Variants in DAPP1 observed in about 807,000 individuals in gnomAD.
The protein encoded by DAPP1 is dual adaptor of phosphotyrosine and 3-phosphoinositides 1.
In DAPP1, 20 loss-of-function variants were observed where a neutral mutation model predicts 41.5. That is an observed-to-expected ratio of 0.48 (90% confidence interval 0.34 to 0.70). The LOEUF (loss-of-function observed/expected upper bound fraction) is 0.70. Ranked by LOEUF, DAPP1 falls within the 30% of genes least tolerant of loss-of-function variation. The pLI is 0.01. For missense variants in DAPP1, 233 were observed against 333.4 expected (o/e 0.70, Z 2.35); for synonymous variants, 113 against 116.2 (o/e 0.97, Z 0.18).
downstream of DAPP1, chr4:99,870,261 G>C (rs550984838): frequency 6.6e-6 from 1 of 151,722 alleles, no homozygotes; most frequent in South Asian, 2.1e-4. Flanking sequence ...TAACCACAAA[G>C]GATTGGAAGT....
chr4:99,823,928 C>G (rs1286136996), intron 1 of DAPP1, among the ~76,000 whole-genome samples: 1 of 152,166 alleles, frequency 6.6e-6, no homozygotes, highest in African/African-American at 2.4e-5. Flanking sequence ...ACTAGTTCTG[C>G]TTTTGTGTAT....
chr4:99,826,189 C>A (rs1336668818), intron 1 of DAPP1, among the ~76,000 whole-genome samples: 1 of 152,278 alleles, frequency 6.6e-6, no homozygotes, highest in East Asian at 1.9e-4. Flanking sequence ...AAAGACACAT[C>A]AATTAGCTGT....
chr4:99,851,272 T>C (rs2110156592), intron 3 of DAPP1, among the ~76,000 whole-genome samples: 1 of 152,310 alleles, frequency 6.6e-6, no homozygotes, highest in East Asian at 1.9e-4. Context: ...TGTGCAAGAA[T>C]GGGACGGTTC....
chr4:99,866,718 A>AT, intron 8 of DAPP1: 1 of 606,068 alleles, frequency 1.6e-6, no homozygotes, highest in Admixed American at 3.1e-5. Flanking sequence ...GCTGACTAAA[A>AT]TTTCCTATAA....
intron 1 of DAPP1, among the ~76,000 whole-genome samples, chr4:99,817,925 C>A (rs1214569916): frequency 1.3e-5 from 2 of 152,158 alleles, no homozygotes; most frequent in Non-Finnish European, 2.9e-5. Flanking sequence ...AAACAAGTAC[C>A]AAACAGGTTT....
At chr4:99,852,992 G>T (rs1193503647) in intron 3 of DAPP1, among the ~76,000 whole-genome samples, 1 of 152,106 alleles carries the variant, frequency 6.6e-6, no homozygotes, top group African/African-American at 2.4e-5. Flanking sequence ...TCTGTTACCA[G>T]TTCTGAGCAC....
intron 1 of DAPP1, among the ~76,000 whole-genome samples, chr4:99,831,408 C>T (rs1206884211): frequency 6.6e-6 from 1 of 152,216 alleles, no homozygotes; most frequent in Non-Finnish European, 1.5e-5. Context: ...CCCCGACTCC[C>T]TGCCCTCATT....
chr4:99,838,843 C>T (rs76045014), intron 2 of DAPP1, among the ~76,000 whole-genome samples: 7,742 of 152,162 alleles, frequency 0.051, 389 homozygotes, highest in East Asian at 0.24. Flanking sequence ...TAGAGGTTGA[C>T]AAATAACATA....
At chr4:99,854,831 A>C (rs148824932) in intron 4 of DAPP1, among the ~76,000 whole-genome samples, 2 of 152,226 alleles carry the variant, frequency 1.3e-5, no homozygotes, top group African/African-American at 4.8e-5. Flanking sequence ...GTTTGCCTTT[A>C]TTCTAAAATT....
intron 1 of DAPP1, among the ~76,000 whole-genome samples, 161 bp downstream of exon 1, chr4:99,817,175 T>C (rs1157989202): frequency 2.0e-5 from 3 of 152,250 alleles, no homozygotes. Flanking sequence ...CTGTTAAGTA[T>C]CTTCTTGTCT....
At chr4:99,848,480 C>G (rs1723746768) in intron 3 of DAPP1, among the ~76,000 whole-genome samples, 1 of 151,908 alleles carries the variant, frequency 6.6e-6, no homozygotes, top group Non-Finnish European at 1.5e-5. Flanking sequence ...CCGTATGCCT[C>G]GGCCTCCCAA....
At chr4:99,857,651 G>C (rs1036221450) in intron 4 of DAPP1, among the ~76,000 whole-genome samples, 1 of 144,572 alleles carries the variant, frequency 6.9e-6, no homozygotes, top group African/African-American at 2.6e-5. Context: ...ACATTTTGTT[G>C]CTTATCCTTT....
intron 3 of DAPP1, among the ~76,000 whole-genome samples, chr4:99,841,843 A>T (rs80072524): frequency 6.6e-6 from 1 of 152,224 alleles, no homozygotes; most frequent in African/African-American, 2.4e-5. Flanking sequence ...AACTCTTTGT[A>T]GTCTTCAAAG....
At chr4:99,853,759 C>A (rs1280188030) in intron 4 of DAPP1, among the ~76,000 whole-genome samples, 1 of 152,056 alleles carries the variant, frequency 6.6e-6, no homozygotes, top group Non-Finnish European at 1.5e-5. Context: ...GTTGAGGCTG[C>A]AGTGAGCTGT....
intron 2 of DAPP1, among the ~76,000 whole-genome samples, chr4:99,837,914 G>T (rs1578358586): frequency 1.3e-5 from 2 of 152,014 alleles, no homozygotes; most frequent in African/African-American, 4.8e-5. Context: ...AACATCAGAG[G>T]CACACAGCCT....
intron 4 of DAPP1, among the ~76,000 whole-genome samples, chr4:99,860,020 A>C (rs1022504347): frequency 6.6e-6 from 1 of 152,246 alleles, no homozygotes; most frequent in Non-Finnish European, 1.5e-5. Flanking sequence ...TAAGGCTGGC[A>C]GGCAAGTAGG....
intron 3 of DAPP1, among the ~76,000 whole-genome samples, chr4:99,843,745 A>T (rs899913204): frequency 6.6e-6 from 1 of 152,276 alleles, no homozygotes; most frequent in South Asian, 2.1e-4. Context: ...TATGTTTTTT[A>T]AAAAAATACC....
intron 4 of DAPP1, among the ~76,000 whole-genome samples, chr4:99,854,825 G>T (rs949282574): frequency 3.9e-5 from 6 of 152,124 alleles, no homozygotes; most frequent in Admixed American, 3.3e-4. Flanking sequence ...CCCTCTGTTT[G>T]CCTTTATTCT....
intron 3 of DAPP1, among the ~76,000 whole-genome samples, chr4:99,845,515 C>G (rs1459130301): frequency 6.6e-6 from 1 of 152,192 alleles, no homozygotes; most frequent in African/African-American, 2.4e-5. Context: ...AGAATTTCTG[C>G]TACAATAATG....
Sources: gnomAD v4.1 joint callset for allele counts (sites outside exome capture counted in the v4.1 genomes callset) on GRCh38, gnomAD v4.1.1 for gene constraint, MANE v1.5 for transcripts, NCBI Gene and HGNC (gene_info 2026-07-23, HGNC 2026-07-21) for gene names.